C1QTNF7: variants seen among roughly 807,000 people sequenced by gnomAD.
The protein encoded by C1QTNF7 is C1q and TNF related 7.
In C1QTNF7, 15 loss-of-function variants were observed where a neutral mutation model predicts 19.6. The observed-to-expected ratio is 0.76, with a 90% CI of 0.51 to 1.18. C1QTNF7 has a LOEUF of 1.18. C1QTNF7 is among the 50% of genes most tolerant of loss of function. The pLI is 0.00. For missense variants in C1QTNF7, 324 were observed against 359.7 expected, an observed-to-expected ratio of 0.90 and a Z score of 0.80; for synonymous variants, 142 against 137.5, an observed-to-expected ratio of 1.03 and a Z score of -0.23.
In C1QTNF7 at chr4:15,394,940, G is replaced by A. The variant is rs73799864; in HGVS notation, c.14-40796G>A. Among the ~76,000 whole-genome samples, 1,523 of 152,306 alleles carry A rather than the reference G, an allele frequency of 1.0e-2. 27 individuals carry two copies. Among genetic ancestry groups the A allele is most frequent in the African/African-American group, 0.035 (1,437 of 41,566 alleles). ...AACTTGAGTAGGACTGTCTTAAAAT[G>A]TACCTGTGGGATTTTAATTTATGGA... On this transcript the variant is annotated intron_variant, in intron 1 of 2. Transcript: ENST00000295297.
intron 1 of C1QTNF7, among the ~76,000 whole-genome samples, chr4:15,351,699 G>C (rs949464762): frequency 6.6e-6 from 1 of 152,166 alleles, no homozygotes; most frequent in Admixed American, 6.5e-5. Flanking sequence ...AGCCAAAGTA[G>C]AGAACCACAG....
At chr4:15,436,059 C>T in intron 2 of C1QTNF7, 78 bp downstream of exon 2, 2 of 1,532,824 alleles carry the variant, frequency 1.3e-6, no homozygotes, top group Non-Finnish European at 1.7e-6. Flanking sequence ...GTTACTTTTT[C>T]TAATGGGAAT....
chr4:15,427,142 C>T (rs968276107), upstream of C1QTNF7, among the ~76,000 whole-genome samples: 1 of 152,176 alleles, frequency 6.6e-6, no homozygotes, highest in African/African-American at 2.4e-5. Context: ...GCCCAGCAAT[C>T]TCGTTGGTCA....
At chr4:15,351,221 A>G (rs1187289796) in intron 1 of C1QTNF7, among the ~76,000 whole-genome samples, 1 of 151,962 alleles carries the variant, frequency 6.6e-6, no homozygotes, top group Non-Finnish European at 1.5e-5. Context: ...AAAATATAAG[A>G]TTTTCTTTTC....
upstream of C1QTNF7, among the ~76,000 whole-genome samples, chr4:15,423,224 A>G (rs1310110299): frequency 1.3e-5 from 2 of 152,176 alleles, no homozygotes; most frequent in Non-Finnish European, 2.9e-5. Flanking sequence ...GTGAAACAGG[A>G]AACTCAAGCA....
At chr4:15,369,136 C>G (rs990196813) in intron 1 of C1QTNF7, among the ~76,000 whole-genome samples, 1 of 152,126 alleles carries the variant, frequency 6.6e-6, no homozygotes, top group African/African-American at 2.4e-5. Context: ...AGATTTTGAT[C>G]GCTTGTGGTT....
chr4:15,362,971 G>T (rs929173373), intron 1 of C1QTNF7, among the ~76,000 whole-genome samples: 1 of 152,146 alleles, frequency 6.6e-6, no homozygotes, highest in Non-Finnish European at 1.5e-5. Context: ...AAGATAAAAA[G>T]ACTGGCCCAA....
chr4:15,398,862 G>A (rs1718882525), intron 1 of C1QTNF7, among the ~76,000 whole-genome samples: 1 of 152,206 alleles, frequency 6.6e-6, no homozygotes, highest in South Asian at 2.1e-4. Context: ...GAGAAATCAA[G>A]TGCATGACTC....
intron 1 of C1QTNF7, chr4:15,374,849 G>A (rs1294561493): frequency 2.6e-6 from 2 of 760,832 alleles, no homozygotes; most frequent in African/African-American, 4.2e-5. Context: ...GCTCATGTTG[G>A]TGTTTCTCTC....
intron 1 of C1QTNF7, among the ~76,000 whole-genome samples, chr4:15,394,810 A>G (rs1303688004): frequency 1.3e-5 from 2 of 151,552 alleles, no homozygotes; most frequent in Non-Finnish European, 2.9e-5. Context: ...TGGCCCTGGT[A>G]CTTTTTTACC....
intron 2 of C1QTNF7, among the ~76,000 whole-genome samples, chr4:15,440,859 C>T (rs1408814012): frequency 6.6e-6 from 1 of 152,132 alleles, no homozygotes; most frequent in Non-Finnish European, 1.5e-5. Flanking sequence ...CTCCTGCTGG[C>T]CGGGCATGGC....
chr4:15,434,151 CA>C (rs1489894302), intron 1 of C1QTNF7, among the ~76,000 whole-genome samples: 1 of 150,734 alleles, frequency 6.6e-6, no homozygotes, highest in Non-Finnish European at 1.5e-5. Context: ...CAGGGCATGG[CA>C]AAAATGTTCT....
At chr4:15,371,728 G>A (rs571599239) in intron 1 of C1QTNF7, among the ~76,000 whole-genome samples, 2 of 152,312 alleles carry the variant, frequency 1.3e-5, no homozygotes, top group East Asian at 3.9e-4. Flanking sequence ...GAAGAAGCAT[G>A]TGAGTTCAGT....
intron 1 of C1QTNF7, among the ~76,000 whole-genome samples, chr4:15,413,173 A>G (rs1228990760): frequency 1.3e-5 from 2 of 152,254 alleles, no homozygotes; most frequent in Non-Finnish European, 2.9e-5. Context: ...TTACAGAGGC[A>G]GTCTCCTGCA....
intron 1 of C1QTNF7, among the ~76,000 whole-genome samples, chr4:15,351,309 A>G (rs1716927878): frequency 6.6e-6 from 1 of 152,094 alleles, no homozygotes. Flanking sequence ...ATGAACATAC[A>G]TTAGTAAGCT....
chr4:15,414,568 C>T (rs1719520730), intron 1 of C1QTNF7, among the ~76,000 whole-genome samples: 4 of 151,922 alleles, frequency 2.6e-5, no homozygotes, highest in Non-Finnish European at 5.9e-5. Context: ...GCCTGCATCT[C>T]GGTGGTTATA....
At chr4:15,393,987 G>A (rs1177111439) in intron 1 of C1QTNF7, among the ~76,000 whole-genome samples, 1 of 152,178 alleles carries the variant, frequency 6.6e-6, no homozygotes, top group Middle Eastern at 3.2e-3. Flanking sequence ...CAGAGGGGGT[G>A]TGTAGGGCCA....
At chr4:15,441,455 G>T (rs975856508) in intron 2 of C1QTNF7, among the ~76,000 whole-genome samples, 1 of 152,150 alleles carries the variant, frequency 6.6e-6, no homozygotes, top group Non-Finnish European at 1.5e-5. Flanking sequence ...ATCACAAATA[G>T]AAATAGAATG....
At chr4:15,420,796 A>G (rs962694181) in intron 1 of C1QTNF7, among the ~76,000 whole-genome samples, 1 of 127,968 alleles carries the variant, frequency 7.8e-6, no homozygotes, top group Non-Finnish European at 1.6e-5. Flanking sequence ...CTGCTAGTTT[A>G]GACTCTAGGG....
Sources: gnomAD v4.1 joint callset for allele counts (sites outside exome capture counted in the v4.1 genomes callset) on GRCh38, gnomAD v4.1.1 for gene constraint, MANE v1.5 for transcripts, NCBI Gene and HGNC (gene_info 2026-07-23, HGNC 2026-07-21) for gene names.